ZNF367: variants seen among roughly 807,000 people sequenced by gnomAD.
The protein encoded by ZNF367 is C2H2 zinc finger protein ZFF29.
Under a neutral mutation model 31.8 loss-of-function variants are expected in ZNF367, and 11 were observed. The ratio of observed to expected loss-of-function variants is 0.35; its 90% CI spans 0.22 to 0.57. The LOEUF is 0.57. ZNF367 is among the 20% of genes least tolerant of loss of function. The probability of loss-of-function intolerance (pLI) is 0.85; values close to 1 mark genes in which losing one functional copy is unlikely to be tolerated. For synonymous variants in ZNF367, 199 were observed against 202.4 expected, an observed-to-expected ratio of 0.98 and a Z score of 0.14; for missense variants, 353 against 484.1, an observed-to-expected ratio of 0.73 and a Z score of 2.54.
At chr9:96,392,223 TA>T in intron 4 of ZNF367, 174 bp downstream of exon 4, 1 of 863,820 alleles carries the variant, frequency 1.2e-6, no homozygotes, top group Non-Finnish European at 1.8e-6. Flanking sequence ...ACACAGATCC[TA>T]AGATCCTAAT....
intron 1 of ZNF367, among the ~76,000 whole-genome samples, chr9:96,399,275 A>G (rs1221326236): frequency 6.6e-6 from 1 of 152,104 alleles, no homozygotes; most frequent in Non-Finnish European, 1.5e-5. Flanking sequence ...AGTGTCCCCC[A>G]ACACAGCCAT....
At chr9:96,407,152 T>A in intron 1 of ZNF367, 1 of 576,764 alleles carries the variant, frequency 1.7e-6, no homozygotes, top group Non-Finnish European at 3.1e-6. Context: ...AGACCCCATC[T>A]CTATTATTAA....
In ZNF367 at chr9:96,394,865, G is replaced by A. The variant is rs757111205; in HGVS notation, c.649C>T (p.Arg217Cys). The A allele has an allele frequency of 1.2e-6, 2 of 1,614,044 alleles. No individual in the cohort carries two copies. The highest frequency in any genetic ancestry group is 1.7e-5 in the Admixed American group (1 of 60,014). Residue 217 changes from arginine (R) to cysteine (C), a missense_variant, in exon 3 of 5, where the codon CGT becomes TGT. Around this residue, in one of 5 missense-constraint regions of ZNF367, gnomAD observed 57 missense variants for 141.9 expected, o/e 0.40. Transcript: ENST00000375256. ...AAAGGTTTCTCTCCGGTGTGAAGAC[G>A]CTGATGTGTTTTGAGCTGTCCACTT... Reference protein sequence around the residue: ...VQSGQLKTHQRLHTGEKPFVC... With the variant: ...VQSGQLKTHQCLHTGEKPFVC...
chr9:96,388,209 T>A lies in ZNF367; in HGVS notation c.*28A>T. The A allele has an allele frequency of 6.3e-7, 1 of 1,592,270 alleles. No individual in the cohort carries two copies. The highest frequency in any genetic ancestry group is 2.3e-4 in the Middle Eastern group (1 of 4,328). On this transcript the variant is annotated 3_prime_UTR_variant, in exon 5 of 5. Coordinates refer to ENST00000375256, the MANE Select transcript of ZNF367 (RefSeq NM_153695.4). ...TTTTTAAGTATGCTGGGCAGTACTT[T>A]TGTACAGTGGAAGAGTCAGTGTCCA...
chr9:96,413,305 G>A (rs1831775765), intron 1 of ZNF367, among the ~76,000 whole-genome samples: 1 of 152,134 alleles, frequency 6.6e-6, no homozygotes, highest in South Asian at 2.1e-4. Flanking sequence ...CTCTGTGCCA[G>A]GCAATAAATA....
At chr9:96,395,605 G>T (rs1831521868) in intron 2 of ZNF367, among the ~76,000 whole-genome samples, 1 of 152,066 alleles carries the variant, frequency 6.6e-6, no homozygotes, top group Non-Finnish European at 1.5e-5. Context: ...TCTAATCCTT[G>T]AAAATCCTAT....
intron 2 of ZNF367, among the ~76,000 whole-genome samples, chr9:96,397,041 G>A (rs1428185239): frequency 1.3e-5 from 2 of 152,102 alleles, no homozygotes; most frequent in African/African-American, 4.8e-5. Flanking sequence ...ATAATCAACA[G>A]TAAAAATTAT....
At chr9:96,401,943 G>A (rs1260730025) in intron 1 of ZNF367, among the ~76,000 whole-genome samples, 3 of 151,672 alleles carry the variant, frequency 2.0e-5, no homozygotes, top group Non-Finnish European at 4.4e-5. Flanking sequence ...AGGCTATAGT[G>A]AGCTATGATC....
intron 1 of ZNF367, among the ~76,000 whole-genome samples, chr9:96,409,375 G>T (rs1337861275): frequency 6.6e-6 from 1 of 152,094 alleles, no homozygotes; most frequent in African/African-American, 2.4e-5. Flanking sequence ...ATTCCTTCAG[G>T]ATCCTAGAAT....
intron 1 of ZNF367, among the ~76,000 whole-genome samples, chr9:96,405,314 CA>C (rs975848691): frequency 0.049 from 2,678 of 55,128 alleles, 12 homozygotes; most frequent in South Asian, 0.083. Flanking sequence ...AACTCTGTCT[CA>C]AAAAAAAAAA....
intron 1 of ZNF367, among the ~76,000 whole-genome samples, chr9:96,412,155 C>T (rs1831758839): frequency 6.6e-6 from 1 of 152,052 alleles, no homozygotes; most frequent in Non-Finnish European, 1.5e-5. Context: ...ATGAGAAAAC[C>T]ATGTTTCTAG....
chr9:96,410,258 CA>C (rs1043024078), intron 1 of ZNF367, among the ~76,000 whole-genome samples: 29 of 110,566 alleles, frequency 2.6e-4, no homozygotes, highest in South Asian at 5.5e-4. Context: ...AACTCTGTCT[CA>C]AAAAAAAAAG....
At chr9:96,398,445 AT>A in intron 1 of ZNF367, 131 bp from the exon 2 acceptor site, 1 of 691,294 alleles carries the variant, frequency 1.4e-6, no homozygotes, top group Non-Finnish European at 2.2e-6. Context: ...AGTCCCAGCT[AT>A]TTAGGAGGCT....
intron 4 of ZNF367, among the ~76,000 whole-genome samples, chr9:96,389,072 C>T (rs1831438776): frequency 6.6e-6 from 1 of 152,042 alleles, no homozygotes; most frequent in African/African-American, 2.4e-5. Context: ...GCAAGGCAGG[C>T]AGATCACTTG....
chr9:96,410,156 G>C (rs184873736), intron 1 of ZNF367, among the ~76,000 whole-genome samples: 2 of 151,960 alleles, frequency 1.3e-5, no homozygotes, highest in East Asian at 3.9e-4. Context: ...CCAGCTACTC[G>C]GGAGGCTGAG....
At chr9:96,404,593 G>A (rs959872204) in intron 1 of ZNF367, among the ~76,000 whole-genome samples, 11 of 150,804 alleles carry the variant, frequency 7.3e-5, no homozygotes, top group Admixed American at 6.0e-4. Context: ...CCAAGATCAC[G>A]CCACTGCACT....
chr9:96,399,734 C>T (rs1831578286), intron 1 of ZNF367, among the ~76,000 whole-genome samples: 4 of 152,136 alleles, frequency 2.6e-5, no homozygotes, highest in Admixed American at 2.6e-4. Context: ...AGGAGAATTG[C>T]TTGAACCCGA....
Position 96,417,628 on chromosome 9 carries a change from G to T in ZNF367, c.405C>A (p.Asp135Glu). Residue 135 changes from aspartate to glutamate, a missense_variant, in exon 1 of 5, where the codon GAC becomes GAA. By Grantham distance (45) the Asp-to-Glu change is conservative. Around this residue, in one of 5 missense-constraint regions of ZNF367, gnomAD observed 70 missense variants for 57.1 expected, o/e 1.23. Coordinates refer to ENST00000375256, the MANE Select transcript of ZNF367 (RefSeq NM_153695.4). The surrounding 1 kb of genome is among the most constrained non-coding windows in gnomAD (Gnocchi z 5.0). ...CGCCGCTCACCTTGAGGTGGCCGCT[G>T]TCTGGGCTGCTCGCTTCCTCCTCGT... ...GEDEEEASSP[D>E]SGHLKDGIRR... The T allele has an allele frequency of 1.3e-6, 1 of 755,630 alleles. No individual in the cohort carries two copies. The highest frequency in any genetic ancestry group is 1.8e-6 in the Non-Finnish European group (1 of 559,762). The allele number at this position is 755,630 out of a possible 1,614,324, so 46.8% of individuals were successfully genotyped here. A position where few individuals can be genotyped will look rare whatever the true frequency, so the allele number is the denominator to read the frequency against.
chr9:96,394,720 T>A, intron 3 of ZNF367, 103 bp downstream of exon 3: 1 of 1,088,024 alleles, frequency 9.2e-7, no homozygotes, highest in South Asian at 1.8e-5. Flanking sequence ...TTTTATAAAA[T>A]TTATATTAAA....
Sources: gnomAD v4.1 joint callset for allele counts (sites outside exome capture counted in the v4.1 genomes callset) on GRCh38, gnomAD v4.1.1 for gene constraint, gnomAD v4.1.1 regional missense constraint, Gnocchi (gnomAD v3.1) non-coding constraint, MANE v1.5 for transcripts, NCBI Gene and HGNC (gene_info 2026-07-23, HGNC 2026-07-21) for gene names.